Variants in KIAA1217 observed in about 807,000 individuals in gnomAD.
The protein encoded by KIAA1217 is sickle tail protein homolog.
In KIAA1217, 88 loss-of-function variants were observed where a neutral mutation model predicts 163.9. That is an observed-to-expected ratio of 0.54 (90% CI 0.45 to 0.64). The LOEUF is 0.64. KIAA1217 is among the 30% of genes least tolerant of loss of function. KIAA1217 has a pLI of 0.00. For synonymous variants in KIAA1217, 903 were observed against 923.1 expected (o/e 0.98, Z 0.39); for missense variants, 2,372 against 2,475.0 (o/e 0.96, Z 0.88).
intron 1 of KIAA1217, among the ~76,000 whole-genome samples, chr10:23,715,115 G>A (rs1837488208): frequency 6.6e-6 from 1 of 152,172 alleles, no homozygotes; most frequent in Non-Finnish European, 1.5e-5. Flanking sequence ...GCACTCCTGG[G>A]ATTGGGGTTA....
At chr10:24,168,034 G>A (rs1383815312) in intron 2 of KIAA1217, among the ~76,000 whole-genome samples, 1 of 152,104 alleles carries the variant, frequency 6.6e-6, no homozygotes, top group South Asian at 2.1e-4. Flanking sequence ...TTTGCACTGG[G>A]GGTTAGGTTT....
intron 1 of KIAA1217, among the ~76,000 whole-genome samples, chr10:23,903,573 G>A (rs987912056): frequency 4.6e-5 from 7 of 152,108 alleles, no homozygotes; most frequent in Non-Finnish European, 8.8e-5. Flanking sequence ...AGGGAGCTTA[G>A]CAAGGCCTGT....
At chr10:24,374,464 A>T (rs2052168265) in intron 2 of KIAA1217, among the ~76,000 whole-genome samples, 1 of 152,176 alleles carries the variant, frequency 6.6e-6, no homozygotes, top group African/African-American at 2.4e-5. Context: ...GGTTTCTATT[A>T]AAAACAAAAG....
intron 1 of KIAA1217, among the ~76,000 whole-genome samples, chr10:23,829,910 G>A (rs571774897): frequency 2.6e-5 from 4 of 152,260 alleles, no homozygotes; most frequent in African/African-American, 9.6e-5. Flanking sequence ...TAAATTAGTG[G>A]GAAGAAAAAT....
intron 1 of KIAA1217, among the ~76,000 whole-genome samples, chr10:23,950,821 C>T (rs2131354374): frequency 6.6e-6 from 1 of 152,270 alleles, no homozygotes; most frequent in East Asian, 1.9e-4. Flanking sequence ...ACATAATCTC[C>T]ATGAGGGCTC....
At chr10:23,878,353 ATCT>A (rs1215517178) in intron 1 of KIAA1217, among the ~76,000 whole-genome samples, 2 of 151,862 alleles carry the variant, frequency 1.3e-5, no homozygotes, top group Non-Finnish European at 2.9e-5. Flanking sequence ...GCTTAAAATG[ATCT>A]TATTATTTGT....
intron 1 of KIAA1217, among the ~76,000 whole-genome samples, chr10:23,941,845 C>A (rs1041420316): frequency 6.6e-6 from 1 of 152,076 alleles, no homozygotes; most frequent in Admixed American, 6.6e-5. Context: ...AAAAGCCAAA[C>A]CTTAGGAATC....
intron 2 of KIAA1217, among the ~76,000 whole-genome samples, chr10:24,354,055 G>C (rs568568389): frequency 6.6e-6 from 1 of 152,276 alleles, no homozygotes; most frequent in Non-Finnish European, 1.5e-5. Flanking sequence ...ACTTGTCACT[G>C]TGGCCCTCAG....
At chr10:24,148,178 T>C (rs1201325836) in intron 2 of KIAA1217, among the ~76,000 whole-genome samples, 1 of 152,190 alleles carries the variant, frequency 6.6e-6, no homozygotes, top group Non-Finnish European at 1.5e-5. Context: ...GAAACTATTT[T>C]GCATTCTTAA....
At chr10:24,055,940 G>T (rs927545754) in intron 2 of KIAA1217, among the ~76,000 whole-genome samples, 1 of 150,238 alleles carries the variant, frequency 6.7e-6, no homozygotes, top group Non-Finnish European at 1.5e-5. Flanking sequence ...GAAGGCTAAA[G>T]CTAAAAACAC....
At chr10:23,730,465 T>C (rs576513029) in intron 1 of KIAA1217, among the ~76,000 whole-genome samples, 3 of 152,186 alleles carry the variant, frequency 2.0e-5, no homozygotes, top group Non-Finnish European at 4.4e-5. Context: ...TTCAACGTTA[T>C]TTTCTTTCTG....
intron 2 of KIAA1217, among the ~76,000 whole-genome samples, chr10:24,127,822 T>C (rs2063520030): frequency 6.6e-6 from 1 of 152,228 alleles, no homozygotes; most frequent in Non-Finnish European, 1.5e-5. Flanking sequence ...TACCCACTGT[T>C]GGAAACTTTT....
intron 1 of KIAA1217, among the ~76,000 whole-genome samples, chr10:23,818,515 G>T (rs1166978570): frequency 1.3e-5 from 2 of 151,750 alleles, no homozygotes; most frequent in African/African-American, 4.8e-5. Context: ...AGTAGCCCCA[G>T]CAAGAGGAAG....
Position 24,005,744 on chromosome 10 carries a change from T to C in KIAA1217, c.-320-1481T>C, listed in dbSNP as rs1846964324. Among the ~76,000 whole-genome samples the C allele has an allele frequency of 2.6e-5, 4 of 152,284 alleles. No homozygotes were observed. In the South Asian group the frequency reaches 6.2e-4, roughly 24 times the overall value. On this transcript the variant is annotated intron_variant, in intron 1 of 18. Coordinates refer to the KIAA1217 transcript ENST00000376462. ...ATATTCAATTTTCAGTATTTCACAGTTTTGTTGTCATTCAGTGGCCAGTGG... is the reference window on the plus strand; with the variant it reads ...ATATTCAATTTTCAGTATTTCACAGCTTTGTTGTCATTCAGTGGCCAGTGG...
intron 2 of KIAA1217, among the ~76,000 whole-genome samples, chr10:24,224,243 C>G (rs750981299): frequency 2.6e-5 from 4 of 152,170 alleles, no homozygotes. Flanking sequence ...CAGCTAAGGG[C>G]TTGGTTTGGA....
chr10:24,489,553 C>G (rs1453866573), intron 6 of KIAA1217, among the ~76,000 whole-genome samples: 1 of 151,270 alleles, frequency 6.6e-6, no homozygotes, highest in Non-Finnish European at 1.5e-5. Context: ...AAAAAAAAAT[C>G]AAGGTGAAAC....
intron 5 of KIAA1217, among the ~76,000 whole-genome samples, chr10:24,453,471 G>C (rs1018704930): frequency 4.6e-5 from 7 of 152,206 alleles, no homozygotes; most frequent in African/African-American, 1.7e-4. Flanking sequence ...ACCAGATTTA[G>C]ATTATCCAGT....
At chr10:24,172,709 T>A (rs1055977821) in intron 2 of KIAA1217, among the ~76,000 whole-genome samples, 13 of 152,200 alleles carry the variant, frequency 8.5e-5, no homozygotes, top group Non-Finnish European at 1.0e-4. Context: ...AAGGACACAG[T>A]TGACCAGAGA....
intron 2 of KIAA1217, among the ~76,000 whole-genome samples, chr10:24,174,128 C>A (rs2065759358): frequency 6.6e-6 from 1 of 152,162 alleles, no homozygotes; most frequent in East Asian, 1.9e-4. Flanking sequence ...AAGACAAGGG[C>A]TTCATTGTGC....
Sources: allele counts gnomAD v4.1 joint callset (sites outside exome capture counted in the v4.1 genomes callset), GRCh38; gene constraint gnomAD v4.1.1; transcripts MANE v1.5; gene names NCBI Gene and HGNC (gene_info 2026-07-23, HGNC 2026-07-21).